DIP2C: variants seen among roughly 807,000 people sequenced by gnomAD.
DIP2C encodes disco-interacting protein 2 homolog C.
Under a neutral mutation model 192.4 loss-of-function variants are expected in DIP2C, and 33 were observed. The observed-to-expected ratio is 0.17, with a 90% confidence interval of 0.13 to 0.23. The LOEUF is 0.23. Ranked by LOEUF, DIP2C falls within the 10% of genes least tolerant of loss-of-function variation. DIP2C has a pLI of 1.00. For missense variants in DIP2C, 1,537 were observed against 2,110.1 expected (o/e 0.73, Z 5.32); for synonymous variants, 979 against 864.1 (o/e 1.13, Z -2.33).
At chr10:362,438 C>G in intron 22 of DIP2C, 52 bp downstream of exon 22, 1 of 1,584,822 alleles carries the variant, frequency 6.3e-7, no homozygotes, top group Non-Finnish European at 8.6e-7. Context: ...CAGTGCCGTG[C>G]AGCCCCAAGG....
At chr10:576,220 C>T (rs1850145178) in intron 1 of DIP2C, among the ~76,000 whole-genome samples, 1 of 152,220 alleles carries the variant, frequency 6.6e-6, no homozygotes. Flanking sequence ...CTGGGACTCC[C>T]AGGCAGCTGC....
chr10:620,714 CTG>C (rs1025328513), intron 1 of DIP2C, among the ~76,000 whole-genome samples: 3 of 152,188 alleles, frequency 2.0e-5, no homozygotes, highest in Non-Finnish European at 4.4e-5. Flanking sequence ...CTGTCTCCTC[CTG>C]TGTCAGTGGG....
At chr10:525,743 C>A (rs1847014463) in intron 1 of DIP2C, among the ~76,000 whole-genome samples, 1 of 152,176 alleles carries the variant, frequency 6.6e-6, no homozygotes, top group South Asian at 2.1e-4. Context: ...CACACCCACA[C>A]CAGCTGTGCA....
chr10:358,026 G>T, intron 22 of DIP2C, 89 bp from the exon 23 acceptor site: 2 of 928,578 alleles, frequency 2.2e-6, no homozygotes, highest in Non-Finnish European at 3.3e-6. Context: ...CCTTACTCTC[G>T]GAAAACTTCT....
At chr10:340,238 T>C (rs1170087895) in intron 29 of DIP2C, among the ~76,000 whole-genome samples, 3 of 151,992 alleles carry the variant, frequency 2.0e-5, no homozygotes, top group East Asian at 1.9e-4. Context: ...ACCAATTTCA[T>C]ACTGTAGCGT....
At chr10:329,289 G>T in intron 30 of DIP2C, 144 bp downstream of exon 30, 1 of 812,046 alleles carries the variant, frequency 1.2e-6, no homozygotes, top group Non-Finnish European at 1.8e-6. Flanking sequence ...TATAAAGGCA[G>T]TTTGTAAGCT....
At chr10:378,536 CAT>C (rs1177212543) in intron 17 of DIP2C, among the ~76,000 whole-genome samples, 16 of 152,026 alleles carry the variant, frequency 1.1e-4, no homozygotes, top group South Asian at 4.2e-4. Context: ...CACAAAGACA[CAT>C]GTGAACACAT....
At position 399,175 on chromosome 10, in the gene DIP2C, C is replaced by T. The variant is rs144123936; in HGVS notation, c.1194G>A (p.Ala398=). The T allele has an allele frequency of 7.2e-5, 116 of 1,613,934 alleles. No individual in the cohort carries two copies. In the Middle Eastern group the frequency reaches 9.9e-4, roughly 14 times the overall value. ...FPNNDPAAFM[A]AFYGCLLAEV... ...CGGCCAGCAGGCAGCCGTAGAAAGC[C>T]GCCATGAAGGCAGCCGGATCATTGT... Residue 398 remains alanine, a synonymous_variant, in exon 10 of 37, where the codon GCG becomes GCA. Coordinates refer to ENST00000280886, the MANE Select transcript of DIP2C (RefSeq NM_014974.3).
At chr10:421,189 CGA>C (rs1473009159) in intron 5 of DIP2C, among the ~76,000 whole-genome samples, 1 of 152,042 alleles carries the variant, frequency 6.6e-6, no homozygotes, top group African/African-American at 2.4e-5. Flanking sequence ...TGTGGTCACC[CGA>C]GAGTTACATT....
Position 436,487 on chromosome 10 carries a change from G to C in DIP2C, c.394+4384C>G, listed in dbSNP as rs560170070. ...AGGGTGGCATGCTCCGCCCACACCAGAGCTCTCTCCGAGCTCCGCCTCCTG... is the reference window on the plus strand; with the variant it reads ...AGGGTGGCATGCTCCGCCCACACCACAGCTCTCTCCGAGCTCCGCCTCCTG... On this transcript the variant is annotated intron_variant, in intron 4 of 36. Coordinates refer to ENST00000280886, the MANE Select transcript of DIP2C (RefSeq NM_014974.3). Among the ~76,000 whole-genome samples, 3 of 152,236 alleles carry C rather than the reference G, an allele frequency of 2.0e-5. No individual in the cohort carries two copies. The South Asian group carries it at 6.2e-4, about 32-fold the overall frequency.
chr10:618,270 T>C (rs1384189765), intron 1 of DIP2C, among the ~76,000 whole-genome samples: 1 of 152,216 alleles, frequency 6.6e-6, no homozygotes, highest in African/African-American at 2.4e-5. Context: ...AAGAAACAGG[T>C]TTTTTTCTGG....
At chr10:521,906 T>C (rs78370169) in intron 1 of DIP2C, among the ~76,000 whole-genome samples, 3,557 of 151,608 alleles carry the variant, frequency 0.023, 145 homozygotes, top group African/African-American at 0.082. Context: ...AGCATGTCTG[T>C]ACAAATGACA....
At chr10:427,918 G>A (rs969856158) in intron 4 of DIP2C, among the ~76,000 whole-genome samples, 2 of 152,114 alleles carry the variant, frequency 1.3e-5, no homozygotes, top group African/African-American at 4.8e-5. Context: ...ATCCTCCCAA[G>A]ATAAAGGAAA....
intron 3 of DIP2C, among the ~76,000 whole-genome samples, chr10:449,161 C>T: frequency 6.6e-6 from 1 of 151,692 alleles, no homozygotes; most frequent in East Asian, 2.0e-4. Context: ...CAGCAGGACC[C>T]ACTCACCCCT....
chr10:371,121 C>T (rs967020364), intron 17 of DIP2C, among the ~76,000 whole-genome samples: 11 of 152,214 alleles, frequency 7.2e-5, no homozygotes, highest in African/African-American at 2.6e-4. Context: ...AATGAAAACA[C>T]AGGTGTTGTC....
chr10:665,508 T>C (rs10752017), intron 1 of DIP2C: 149,598 of 152,330 alleles, frequency 0.98, 73,516 homozygotes, highest in Middle Eastern at 1. Context: ...ACTAAATAAA[T>C]TCTAAGTTCA....
intron 32 of DIP2C, among the ~76,000 whole-genome samples, chr10:291,978 G>T (rs1290121893): frequency 1.3e-5 from 2 of 152,198 alleles, no homozygotes; most frequent in Non-Finnish European, 2.9e-5. Context: ...CTCTCCTGCG[G>T]GAAGTGTGAC....
chr10:314,109 A>G (rs1369389465), intron 31 of DIP2C, among the ~76,000 whole-genome samples: 2 of 152,206 alleles, frequency 1.3e-5, no homozygotes, highest in Non-Finnish European at 2.9e-5. Context: ...TGGAAAGGAA[A>G]ATGACACAAA....
chr10:418,512 C>T (rs1440422965), intron 6 of DIP2C, among the ~76,000 whole-genome samples: 2 of 152,196 alleles, frequency 1.3e-5, no homozygotes, highest in African/African-American at 2.4e-5. Flanking sequence ...CTGAGTGACA[C>T]GAACAGCCGC....
Sources: allele counts gnomAD v4.1 joint callset (sites outside exome capture counted in the v4.1 genomes callset), GRCh38; gene constraint gnomAD v4.1.1; transcripts MANE v1.5; gene names NCBI Gene and HGNC (gene_info 2026-07-23, HGNC 2026-07-21).